The following ZBTB18 variants were observed in gnomAD, a reference collection of about 807,000 sequenced individuals.
ZBTB18 encodes the protein zinc finger and BTB domain containing 18.
In ZBTB18, 2 loss-of-function variants were observed where a neutral mutation model predicts 37.7. The observed-to-expected ratio is 0.05, with a 90% CI of 0.02 to 0.17. The LOEUF (loss-of-function observed/expected upper bound fraction) is 0.17, where lower values mean the gene tolerates loss of function less well. Ranked by LOEUF, ZBTB18 falls within the 10% of genes least tolerant of loss-of-function variation. The probability of loss-of-function intolerance (pLI) is 1.00; values close to 1 mark genes in which losing one functional copy is unlikely to be tolerated. For synonymous variants in ZBTB18, 304 were observed against 276.5 expected (o/e 1.10, Z -0.99); for missense variants, 408 against 686.3 (o/e 0.59, Z 4.53).
Position 244,054,999 on chromosome 1 carries a change from C to T in ZBTB18, c.1225C>T (p.Arg409Cys), listed in dbSNP as rs761600350. The T allele has an allele frequency of 2.5e-6, 4 of 1,614,104 alleles. No homozygotes were observed. The highest frequency in any genetic ancestry group is 2.5e-6 in the Non-Finnish European group (3 of 1,180,030). Residue 409 changes from arginine to cysteine, a missense_variant, in exon 2 of 2, where the codon CGC becomes TGC. Arg to Cys is a radical substitution (Grantham distance 180, BLOSUM62 -3). Around this residue, in one of 4 missense-constraint regions of ZBTB18, gnomAD observed 266 missense variants for 312.0 expected, o/e 0.85. Coordinates refer to ENST00000358704, the MANE Select transcript of ZBTB18 (RefSeq NM_205768.3). The surrounding 1 kb of genome is among the most constrained non-coding windows in gnomAD (Gnocchi z 9.0). ...STHFREQDGI[R>C]SKPAADVNVP... The stretch of plus-strand genomic sequence containing the variant: ...GCACTTCCGCGAGCAGGACGGCATC[C>T]GCAGCAAGCCCGCCGCCGATGTCAA...
chr1:244,049,331 T>C (rs961091744), upstream of ZBTB18, among the ~76,000 whole-genome samples: 47 of 135,720 alleles, frequency 3.5e-4, no homozygotes, highest in African/African-American at 1.3e-3. Context: ...GCAGCTGCGG[T>C]GGCGCCTCTC....
At chr1:244,052,035 A>C (rs950575389) in intron 1 of ZBTB18, among the ~76,000 whole-genome samples, 1 of 152,172 alleles carries the variant, frequency 6.6e-6, no homozygotes, top group Non-Finnish European at 1.5e-5. Flanking sequence ...TATTTAAGAG[A>C]TCTTTTATTT....
At position 244,055,923 on chromosome 1, in the gene ZBTB18, G is replaced by A. The variant is rs1295123765; in HGVS notation, c.*553G>A. ...TTTCTGTGGCAACTTCTGGTTTTCT[G>A]ACAGTTCCCAGTGAGAGAAATGCTG... On this transcript the variant is annotated 3_prime_UTR_variant, in exon 2 of 2. Transcript: ENST00000358704. This position sits in a 1 kb window ranked among gnomAD's most constrained non-coding sequence, Gnocchi z 7.0. 1.8e-5 allele frequency: 3 copies of A among 167,022 alleles called. No individual in the cohort carries two copies. The highest frequency in any genetic ancestry group is 4.4e-5 in the Non-Finnish European group (3 of 68,116). 10.3% of individuals were successfully genotyped at this position (167,022 alleles called of 1,614,324 possible).
rs763089966 is a variant in ZBTB18 at position 244,054,816 on chromosome 1, A to T, written c.1042A>T (p.Thr348Ser). ...CAAAGCCAGTGATGATGAGATGATG[A>T]CCCCAGAGAGCGAGCGTGTCCAGGT... is the stretch of plus-strand genomic sequence containing the variant. ...EDKASDDEMM[T>S]PESERVQVEG... Residue 348 changes from threonine to serine, a missense_variant, in exon 2 of 2, where the codon ACC (threonine) becomes TCC (serine). Physicochemically the swap from Thr to Ser is moderately conservative, Grantham distance 58. This residue lies in a region of ZBTB18 where 266 missense variants were observed against 312.0 expected (regional missense o/e 0.85). Coordinates refer to ENST00000358704, the MANE Select transcript of ZBTB18 (RefSeq NM_205768.3). The surrounding 1 kb of genome is among the most constrained non-coding windows in gnomAD (Gnocchi z 9.0). 1.2e-6 allele frequency: 2 copies of T among 1,613,902 alleles called. No homozygotes were observed. Among genetic ancestry groups the T allele is most frequent in the Admixed American group, 3.3e-5 (2 of 60,002 alleles).
upstream of ZBTB18, chr1:244,048,863 CG>C (rs1698288705): frequency 1.1e-5 from 1 of 89,166 alleles, no homozygotes; most frequent in African/African-American, 4.3e-5. Flanking sequence ...GTGGGGGGGC[CG>C]GGAGGGAGGG....
rs1698424563 is a variant in ZBTB18 at position 244,054,828 on chromosome 1, G to A, written c.1054G>A (p.Glu352Lys). The A allele has an allele frequency of 1.9e-6, 3 of 1,614,062 alleles. No homozygotes were observed. Among genetic ancestry groups the A allele is most frequent in the Non-Finnish European group, 8.5e-7 (1 of 1,180,004 alleles). Reference sequence around the variant, plus strand: ...TGATGAGATGATGACCCCAGAGAGCGAGCGTGTCCAGGTGGAGGGAGGCAT... The same window carrying A: ...TGATGAGATGATGACCCCAGAGAGCAAGCGTGTCCAGGTGGAGGGAGGCAT... ...SDDEMMTPES[E>K]RVQVEGGMES... The change falls in exon 2 of 2, where the codon GAG becomes AAG. Residue 352 changes from glutamate (E) to lysine (K), a missense_variant. Transcript: ENST00000358704. The surrounding 1 kb of genome is among the most constrained non-coding windows in gnomAD (Gnocchi z 9.0).
At position 244,053,879 on chromosome 1, in the gene ZBTB18, C is replaced by T; in HGVS notation, c.105C>T (p.Cys35=). 7 of 1,614,158 alleles carry T rather than the reference C, an allele frequency of 4.3e-6. No individual in the cohort carries two copies. The highest frequency in any genetic ancestry group is 5.9e-6 in the Non-Finnish European group (7 of 1,180,042). ...GACACCAGGGTTTTCTTTGTGACTGCACTGTTCTGGTGGGAGATGCCCAGT... is the reference window on the plus strand; with the variant it reads ...GACACCAGGGTTTTCTTTGTGACTGTACTGTTCTGGTGGGAGATGCCCAGT... ...EQRHQGFLCD[C]TVLVGDAQFR... The change falls in exon 2 of 2, where the codon TGC becomes TGT. Residue 35 remains cysteine, a synonymous_variant. Transcript: ENST00000358704. This position sits in a 1 kb window ranked among gnomAD's most constrained non-coding sequence, Gnocchi z 5.2.
intron 1 of ZBTB18, among the ~76,000 whole-genome samples, chr1:244,052,135 T>G (rs2148554538): frequency 6.6e-6 from 1 of 152,348 alleles, no homozygotes; most frequent in South Asian, 2.1e-4. Context: ...GCCAGACAGC[T>G]GTAATCGCAC....
chr1:244,054,768 T>A lies in ZBTB18; in HGVS notation c.994T>A (p.Leu332Met), dbSNP rs1354634690. ...HLAPLREDSV[L>M]RELDREDKAS... ...GGCTCCCCTGAGGGAGGACTCGGTC[T>A]TGAGGGAGCTGGACCGGGAGGACAA... Residue 332 changes from leucine to methionine, a missense_variant, in exon 2 of 2, where the codon TTG becomes ATG. Around this residue, in one of 4 missense-constraint regions of ZBTB18, gnomAD observed 266 missense variants for 312.0 expected, o/e 0.85. Transcript: ENST00000358704. This position sits in a 1 kb window ranked among gnomAD's most constrained non-coding sequence, Gnocchi z 9.0. 1.2e-6 allele frequency: 2 copies of A among 1,614,020 alleles called. No homozygotes were observed. The highest frequency in any genetic ancestry group is 1.7e-6 in the Non-Finnish European group (2 of 1,180,022).
chr1:244,051,524 T>C, intron 1 of ZBTB18, 80 bp downstream of exon 1: 2 of 1,544,978 alleles, frequency 1.3e-6, no homozygotes. Flanking sequence ...CACATTACTT[T>C]TCTAACCCAG....
At chr1:244,049,948 T>C (rs1698315649), upstream of ZBTB18, among the ~76,000 whole-genome samples, 2 of 152,096 alleles carry the variant, frequency 1.3e-5, no homozygotes, top group African/African-American at 2.4e-5. Flanking sequence ...ATGTCTGATA[T>C]ATTGGAATGG....
In ZBTB18 at chr1:244,055,404, ACATATATAT is replaced by A; in HGVS notation, c.*35_*43del. On this transcript the variant is annotated 3_prime_UTR_variant, in exon 2 of 2. Transcript: ENST00000358704. This position sits in a 1 kb window ranked among gnomAD's most constrained non-coding sequence, Gnocchi z 7.0. The stretch of plus-strand genomic sequence containing the variant: ...ATATATAAATAATATATATATATAT[ACATATATAT>A]AAATAGATCTCTATATAGTTGTGGT... 1 of 650,300 alleles carries A rather than the reference ACATATATAT, an allele frequency of 1.5e-6. No homozygotes were observed. The highest frequency in any genetic ancestry group is 2.1e-6 in the Non-Finnish European group (1 of 470,144). 40.3% of individuals were successfully genotyped at this position (650,300 alleles called of 1,614,324 possible).
At chr1:244,051,716 G>T (rs1698357668) in intron 1 of ZBTB18, among the ~76,000 whole-genome samples, 1 of 152,142 alleles carries the variant, frequency 6.6e-6, no homozygotes. Flanking sequence ...TGGAAATCAC[G>T]TTGGATTAAA....
chr1:244,052,876 T>G (rs1461900516), intron 1 of ZBTB18, among the ~76,000 whole-genome samples: 1 of 152,242 alleles, frequency 6.6e-6, no homozygotes, highest in Non-Finnish European at 1.5e-5. Context: ...CTGTATGCCT[T>G]TATTTTTAAA....
At chr1:244,051,081 G>T (rs1483622330), upstream of ZBTB18, among the ~76,000 whole-genome samples, 2 of 152,192 alleles carry the variant, frequency 1.3e-5, no homozygotes, top group African/African-American at 4.8e-5. Context: ...TGGAAAAAAA[G>T]GAAGACTTTG....
In ZBTB18 at chr1:244,054,571, C is replaced by G. The variant is rs754058094; in HGVS notation, c.797C>G (p.Ser266Cys). ...SLSGVENLNS[S>C]YFSSQDVLRS... ...TCAGGAGTTGAAAATCTGAACAGCT[C>G]TTATTTCTCTTCACAGGACGTGCTG... The change falls in exon 2 of 2, where the codon TCT (serine) becomes TGT (cysteine). Residue 266 changes from serine to cysteine, a missense_variant. Transcript: ENST00000358704. The surrounding 1 kb of genome is among the most constrained non-coding windows in gnomAD (Gnocchi z 9.0). 3.3e-5 allele frequency: 53 copies of G among 1,614,234 alleles called. No homozygotes were observed. The highest frequency in any genetic ancestry group is 4.3e-5 in the Non-Finnish European group (51 of 1,180,046).
rs1698398243 is a variant in ZBTB18 at position 244,053,771 on chromosome 1, A to C, written c.14-17A>C. ...TGTTCCTGACCAGGCTCTAATGAGA[A>C]ATTCCTCTCTCCCCAGGTTATGAAG... On this transcript the variant is annotated splice_polypyrimidine_tract_variant and intron_variant, in intron 1 of 1. Coordinates refer to ENST00000358704, the MANE Select transcript of ZBTB18 (RefSeq NM_205768.3). This position sits in a 1 kb window ranked among gnomAD's most constrained non-coding sequence, Gnocchi z 5.2. The C allele has an allele frequency of 1.9e-6, 3 of 1,587,094 alleles. No individual in the cohort carries two copies. Among genetic ancestry groups the C allele is most frequent in the Non-Finnish European group, 2.6e-6 (3 of 1,165,452 alleles).
Position 244,055,403 on chromosome 1 carries a change from T to TAC in ZBTB18, c.*35_*36dup, listed in dbSNP as rs1168840823. 2 of 623,542 alleles carry TAC rather than the reference T, an allele frequency of 3.2e-6. No individual in the cohort carries two copies. Among genetic ancestry groups the TAC allele is most frequent in the Non-Finnish European group, 4.5e-6 (2 of 447,610 alleles). The allele number at this position is 623,542 out of a possible 1,614,324, so 38.6% of individuals were successfully genotyped here. A position where few individuals can be genotyped will look rare whatever the true frequency, so the allele number is the denominator to read the frequency against. On this transcript the variant is annotated 3_prime_UTR_variant, in exon 2 of 2. Coordinates refer to ENST00000358704, the MANE Select transcript of ZBTB18 (RefSeq NM_205768.3). This position sits in a 1 kb window ranked among gnomAD's most constrained non-coding sequence, Gnocchi z 7.0. ...TATATATAAATAATATATATATATATACATATATATAAATAGATCTCTATA... is the reference window on the plus strand; with the variant it reads ...TATATATAAATAATATATATATATATACACATATATATAAATAGATCTCTATA...
In ZBTB18 at chr1:244,053,670, T is replaced by C; in HGVS notation, c.14-118T>C. 1 of 1,448,066 alleles carries C rather than the reference T, an allele frequency of 6.9e-7. No homozygotes were observed. Among genetic ancestry groups the C allele is most frequent in the Non-Finnish European group, 9.2e-7 (1 of 1,087,086 alleles). 89.7% of individuals were successfully genotyped at this position (1,448,066 alleles called of 1,614,324 possible). On this transcript the variant is annotated intron_variant, in intron 1 of 1. Coordinates refer to ENST00000358704, the MANE Select transcript of ZBTB18 (RefSeq NM_205768.3). The surrounding 1 kb of genome is among the most constrained non-coding windows in gnomAD (Gnocchi z 5.2). ...GTGGTGCTTGGGTCATAAGCCTGAT[T>C]AAAATTCAGGGACATGTACCACGGC... is the stretch of plus-strand genomic sequence containing the variant.
Sources: allele counts gnomAD v4.1 joint callset (sites outside exome capture counted in the v4.1 genomes callset), GRCh38; gene constraint gnomAD v4.1.1; regional missense constraint gnomAD v4.1.1; non-coding constraint Gnocchi (gnomAD v3.1); transcripts MANE v1.5; gene names NCBI Gene and HGNC (gene_info 2026-07-23, HGNC 2026-07-21).